The following KCNH1 variants were observed in gnomAD, a reference collection of about 807,000 sequenced individuals.
The protein encoded by KCNH1 is voltage-gated delayed rectifier potassium channel KCNH1.
Under a neutral mutation model 69.2 loss-of-function variants are expected in KCNH1, and 27 were observed. The observed-to-expected ratio is 0.39, with a 90% CI of 0.29 to 0.54. The LOEUF is 0.54. Ranked by LOEUF, KCNH1 falls within the 20% of genes least tolerant of loss-of-function variation. KCNH1 has a pLI of 0.68. For missense variants in KCNH1, 798 were observed against 1,261.6 expected (o/e 0.63, Z 5.57); for synonymous variants, 456 against 487.7 (o/e 0.93, Z 0.86).
At chr1:211,076,398 G>T (rs1386752439) in intron 5 of KCNH1, among the ~76,000 whole-genome samples, 1 of 152,160 alleles carries the variant, frequency 6.6e-6, no homozygotes, top group Non-Finnish European at 1.5e-5. Context: ...GAAGGATCAG[G>T]CAGCAATATT....
At chr1:210,921,919 A>G (rs904375716) in intron 6 of KCNH1, among the ~76,000 whole-genome samples, 3 of 152,220 alleles carry the variant, frequency 2.0e-5, no homozygotes, top group African/African-American at 7.2e-5. Flanking sequence ...CATTTGTTAC[A>G]GTAGCTAGTA....
intron 9 of KCNH1, among the ~76,000 whole-genome samples, chr1:210,792,794 A>G (rs987117269): frequency 4.6e-5 from 7 of 152,186 alleles, no homozygotes; most frequent in Non-Finnish European, 1.0e-4. Context: ...GGGGACACTA[A>G]ATCACAGTGA....
At chr1:211,109,076 A>T (rs1227666798) in intron 1 of KCNH1, among the ~76,000 whole-genome samples, 1 of 152,256 alleles carries the variant, frequency 6.6e-6, no homozygotes, top group African/African-American at 2.4e-5. Context: ...AAGGATGAGT[A>T]AGATTTATTT....
intron 7 of KCNH1, among the ~76,000 whole-genome samples, chr1:210,804,849 A>G (rs1314699735): frequency 6.6e-6 from 1 of 152,206 alleles, no homozygotes; most frequent in Non-Finnish European, 1.5e-5. Flanking sequence ...GCTCCTGGGG[A>G]AAAACATAGC....
chr1:210,708,043 A>C (rs925930325), intron 10 of KCNH1, among the ~76,000 whole-genome samples: 7 of 152,214 alleles, frequency 4.6e-5, no homozygotes, highest in Non-Finnish European at 7.3e-5. Context: ...GCAGATACTA[A>C]ACACAGCTCA....
At chr1:211,097,243 C>T (rs529480316) in intron 3 of KCNH1, among the ~76,000 whole-genome samples, 2 of 152,106 alleles carry the variant, frequency 1.3e-5, no homozygotes, top group South Asian at 2.1e-4. Context: ...TATTGCTTCA[C>T]ATAATATATA....
chr1:210,725,146 C>T (rs1682556887), intron 10 of KCNH1, among the ~76,000 whole-genome samples: 1 of 152,130 alleles, frequency 6.6e-6, no homozygotes, highest in South Asian at 2.1e-4. Flanking sequence ...TAAGACCTTC[C>T]TGGCTAGCAT....
At chr1:210,769,913 A>G (rs1209768181) in intron 10 of KCNH1, among the ~76,000 whole-genome samples, 2 of 152,158 alleles carry the variant, frequency 1.3e-5, no homozygotes, top group African/African-American at 4.8e-5. Context: ...AGTGGGGAGG[A>G]GAAAGGGAAA....
intron 7 of KCNH1, chr1:210,859,048 G>T (rs4504958): frequency 0.026 from 15,984 of 615,312 alleles, 625 homozygotes; most frequent in East Asian, 0.12. Flanking sequence ...TTGTTGTTGT[G>T]ATTTTTTTTC....
At chr1:210,913,692 A>G (rs568487822) in intron 7 of KCNH1, among the ~76,000 whole-genome samples, 3 of 152,350 alleles carry the variant, frequency 2.0e-5, no homozygotes, top group Non-Finnish European at 2.9e-5. Flanking sequence ...CCTAGTATCA[A>G]CTGACGGAAT....
intron 9 of KCNH1, among the ~76,000 whole-genome samples, chr1:210,794,404 T>C (rs1019898618): frequency 6.6e-6 from 1 of 152,256 alleles, no homozygotes; most frequent in Non-Finnish European, 1.5e-5. Flanking sequence ...CCAAAGCTGC[T>C]GAGCTATTTG....
At chr1:210,685,218 G>C (rs754790415) in intron 10 of KCNH1, among the ~76,000 whole-genome samples, 1 of 152,216 alleles carries the variant, frequency 6.6e-6, no homozygotes, top group Admixed American at 6.5e-5. Context: ...ACTCTGGGAC[G>C]TGTTTTGACC....
At chr1:211,078,892 T>C (rs1361403796) in intron 5 of KCNH1, among the ~76,000 whole-genome samples, 1 of 123,552 alleles carries the variant, frequency 8.1e-6, no homozygotes, top group African/African-American at 3.2e-5. Flanking sequence ...CACTCCAGCC[T>C]GGGTGACAGA....
Position 210,994,640 on chromosome 1 carries a change from A to G in KCNH1, c.1032+24143T>C, listed in dbSNP as rs552423274. ...GAAGACAAAGGATCTGGTTAGCACA[A>G]AAACATAATTGTAATCGTTTAGAAA... On this transcript the variant is annotated intron_variant, in intron 6 of 10. Coordinates refer to ENST00000271751, the MANE Select transcript of KCNH1 (RefSeq NM_172362.3). Among the ~76,000 whole-genome samples, 4 of 152,298 alleles carry G rather than the reference A, an allele frequency of 2.6e-5. No individual in the cohort carries two copies. In the East Asian group the frequency reaches 7.7e-4, roughly 29 times the overall value.
intron 4 of KCNH1, among the ~76,000 whole-genome samples, chr1:211,089,952 C>T (rs2102472533): frequency 6.6e-6 from 1 of 152,304 alleles, no homozygotes; most frequent in South Asian, 2.1e-4. Flanking sequence ...TCCTGGGTCC[C>T]CCATGTTATG....
chr1:210,734,282 A>C (rs889461004), intron 10 of KCNH1, among the ~76,000 whole-genome samples: 1 of 152,150 alleles, frequency 6.6e-6, no homozygotes, highest in Non-Finnish European at 1.5e-5. Flanking sequence ...TCCCTCAACA[A>C]GTCCCACCTA....
chr1:210,719,346 G>A (rs932258032), intron 10 of KCNH1, among the ~76,000 whole-genome samples: 2 of 152,018 alleles, frequency 1.3e-5, no homozygotes, highest in Non-Finnish European at 2.9e-5. Context: ...GGACTTATAA[G>A]GAAACCTAAA....
At chr1:210,796,030 A>C (rs12119522) in intron 9 of KCNH1, among the ~76,000 whole-genome samples, 64,985 of 149,926 alleles carry the variant, frequency 0.43, 14,473 homozygotes, top group African/African-American at 0.52. Flanking sequence ...TGGTGGGTGC[A>C]TGTAGTCCCA....
intron 7 of KCNH1, among the ~76,000 whole-genome samples, chr1:210,838,327 T>C (rs1685329830): frequency 6.6e-6 from 1 of 152,016 alleles, no homozygotes; most frequent in Admixed American, 6.6e-5. Flanking sequence ...TCCTTACACC[T>C]TACATAAAAA....
Sources: allele counts gnomAD v4.1 joint callset (sites outside exome capture counted in the v4.1 genomes callset), GRCh38; gene constraint gnomAD v4.1.1; transcripts MANE v1.5; gene names NCBI Gene and HGNC (gene_info 2026-07-23, HGNC 2026-07-21).